Variants in WEE1 observed in about 807,000 individuals in gnomAD.
The protein encoded by WEE1 is WEE1 G2 checkpoint kinase.
In WEE1, 16 loss-of-function variants were observed where a neutral mutation model predicts 68.8. The ratio of observed to expected loss-of-function variants is 0.23; its 90% confidence interval spans 0.16 to 0.35. WEE1 has a LOEUF of 0.35. Among genes scored for constraint, WEE1 ranks in the 10% least tolerant of loss-of-function variants. The pLI, the probability that WEE1 is intolerant of heterozygous loss-of-function variation, is 1.00. For missense variants in WEE1, 651 were observed against 824.1 expected (o/e 0.79, Z 2.57); for synonymous variants, 349 against 318.7 (o/e 1.09, Z -1.01).
chr11:9,578,006 A>T (rs981239688), intron 5 of WEE1: 11 of 407,812 alleles, frequency 2.7e-5, no homozygotes, highest in African/African-American at 2.1e-4. Context: ...TATATACCAA[A>T]TCTTTTATGG....
At chr11:9,588,177 G>A (rs1477032302) in intron 10 of WEE1, among the ~76,000 whole-genome samples, 1 of 152,084 alleles carries the variant, frequency 6.6e-6, no homozygotes, top group Non-Finnish European at 1.5e-5. Context: ...ACCACATCCA[G>A]CTCAAATTAT....
intron 5 of WEE1, chr11:9,580,614 CA>C (rs1249654515): frequency 1.3e-5 from 2 of 152,014 alleles, no homozygotes; most frequent in African/African-American, 2.4e-5. Flanking sequence ...CACGCCACCA[CA>C]CCCAGCTAAT....
In WEE1 at chr11:9,573,886, C is replaced by T; in HGVS notation, c.-48C>T. 1 of 1,210,716 alleles carries T rather than the reference C, an allele frequency of 8.3e-7. No homozygotes were observed. The highest frequency in any genetic ancestry group is 3.7e-5 in the South Asian group (1 of 26,776). The allele number at this position is 1,210,716 out of a possible 1,614,324, so 75.0% of individuals were successfully genotyped here. Reference sequence around the variant, plus strand: ...CCCCCAGGCCCGCAGTGTCCTGGACCCCGCAGGCCTCCGCTCTCCTGTCCT... The same window carrying T: ...CCCCCAGGCCCGCAGTGTCCTGGACTCCGCAGGCCTCCGCTCTCCTGTCCT... On this transcript the variant is annotated 5_prime_UTR_variant, in exon 1 of 11. Transcript: ENST00000450114.
In WEE1 at chr11:9,573,811, G is replaced by C. The variant is rs1349575293; in HGVS notation, c.-123G>C. On this transcript the variant is annotated 5_prime_UTR_variant, in exon 1 of 11. Coordinates refer to ENST00000450114, the MANE Select transcript of WEE1 (RefSeq NM_003390.4). ...CGGAGCCGCAGGCCGCCGCCGCGCA[G>C]AGACGCCGCGGCTGCGACTAGGCGC... The C allele has an allele frequency of 1.2e-6, 1 of 829,490 alleles. No homozygotes were observed. Among genetic ancestry groups the C allele is most frequent in the African/African-American group, 1.8e-5 (1 of 54,756 alleles). The allele number at this position is 829,490 out of a possible 1,614,324, so 51.4% of individuals were successfully genotyped here. A position where few individuals can be genotyped will look rare whatever the true frequency, so the allele number is the denominator to read the frequency against.
At position 9,575,913 on chromosome 11, in the gene WEE1, T is replaced by C; in HGVS notation, c.602T>C (p.Ile201Thr). The change falls in exon 2 of 11, where the codon ATT (isoleucine) becomes ACT (threonine). Residue 201 changes from isoleucine (I) to threonine (T), a missense_variant. This residue lies in a region of WEE1 where 395 missense variants were observed against 378.4 expected (regional missense o/e 1.04). Transcript: ENST00000450114. Reference sequence around the variant, plus strand: ...AGTTTGCTCTCCAAAGCTCGGGGAATTGATTCCAGCTCTGTTAAACTCCGG... The same window carrying C: ...AGTTTGCTCTCCAAAGCTCGGGGAACTGATTCCAGCTCTGTTAAACTCCGG... ...PKSLLSKARG[I>T]DSSSVKLRGS... 1 of 1,614,164 alleles carries C rather than the reference T, an allele frequency of 6.2e-7. No individual in the cohort carries two copies. Among genetic ancestry groups the C allele is most frequent in the Non-Finnish European group, 8.5e-7 (1 of 1,180,022 alleles).
rs1849564124 is a variant in WEE1 at position 9,576,238 on chromosome 11, G to A, written c.791G>A (p.Gly264Asp). 1 of 1,523,232 alleles carries A rather than the reference G, an allele frequency of 6.6e-7. No individual in the cohort carries two copies. The highest frequency in any genetic ancestry group is 2.5e-5 in the East Asian group (1 of 40,770). The allele number at this position is 1,523,232 out of a possible 1,614,324, so 94.4% of individuals were successfully genotyped here. Residue 264 changes from glycine (G) to aspartate (D), a missense_variant, in exon 3 of 11, where the codon GGT becomes GAT. Around this residue, in one of 5 missense-constraint regions of WEE1, gnomAD observed 395 missense variants for 378.4 expected, o/e 1.04. Transcript: ENST00000450114. This position sits in a 1 kb window ranked among gnomAD's most constrained non-coding sequence, Gnocchi z 4.3. The part of the protein sequence containing the change: ...RKRTYWNDSC[G>D]EDMEASDYEL... ...AATAACATTTTTTTTAGTTCCTGTGGTGAAGACATGGAAGCCAGTGATTAT... is the reference window on the plus strand; with the variant it reads ...AATAACATTTTTTTTAGTTCCTGTGATGAAGACATGGAAGCCAGTGATTAT...
At chr11:9,582,422 A>G (rs1230427996) in intron 6 of WEE1, among the ~76,000 whole-genome samples, 3 of 152,196 alleles carry the variant, frequency 2.0e-5, no homozygotes, top group Non-Finnish European at 4.4e-5. Context: ...CAAGTTAAGC[A>G]TCTTAGGCTA....
chr11:9,577,556 C>A, intron 5 of WEE1: 1 of 363,488 alleles, frequency 2.8e-6, no homozygotes, highest in Non-Finnish European at 5.2e-6. Context: ...TAGTACCTAG[C>A]GTAGTGTGTG....
chr11:9,587,825 A>G (rs749983143), intron 10 of WEE1, among the ~76,000 whole-genome samples: 26 of 152,158 alleles, frequency 1.7e-4, no homozygotes, highest in Non-Finnish European at 2.1e-4. Context: ...TTTAAATTAT[A>G]AGAATTGTAT....
At chr11:9,575,757 T>A in intron 1 of WEE1, 131 bp from the exon 2 acceptor site, 1 of 729,070 alleles carries the variant, frequency 1.4e-6, no homozygotes, top group Non-Finnish European at 2.2e-6. Context: ...TTGCTTGAAC[T>A]CTAACAAAGG....
chr11:9,587,158 G>T (rs1470421361), intron 10 of WEE1, among the ~76,000 whole-genome samples: 1 of 151,988 alleles, frequency 6.6e-6, no homozygotes, highest in East Asian at 1.9e-4. Context: ...TGGGGTTTTT[G>T]CCATGTTGCC....
Position 9,581,593 on chromosome 11 carries a change from A to G in WEE1, c.1203A>G (p.Ala401=). 6.2e-7 allele frequency: 1 copy of G among 1,612,862 alleles called. No individual in the cohort carries two copies. The highest frequency in any genetic ancestry group is 1.1e-5 in the South Asian group (1 of 90,988). Residue 401 remains alanine, a synonymous_variant, in exon 6 of 11, where the codon GCA becomes GCG. Transcript: ENST00000450114. ...NYRIMSYFKE[A]ELKDLLLQVG... is the part of the protein sequence containing the mutation. ...GAATCATGAGTTACTTTAAAGAAGC[A>G]GAGTTGAAGGATCTCCTTTTGCAAG...
In WEE1 at chr11:9,589,892, G is replaced by C. The variant is rs1461222593; in HGVS notation, c.*1290G>C. ...TTTGATTGAATATGAATATCACATT[G>C]CATGTTATGCATGTGACTTGCTAGA... On this transcript the variant is annotated 3_prime_UTR_variant, in exon 11 of 11. Coordinates refer to ENST00000450114, the MANE Select transcript of WEE1 (RefSeq NM_003390.4). The C allele has an allele frequency of 5.6e-6, 1 of 179,004 alleles. No individual in the cohort carries two copies. The highest frequency in any genetic ancestry group is 2.4e-5 in the African/African-American group (1 of 41,882). 11.1% of individuals were successfully genotyped at this position (179,004 alleles called of 1,614,324 possible).
intron 5 of WEE1, chr11:9,577,928 C>A (rs1357540229): frequency 4.4e-6 from 2 of 455,610 alleles, no homozygotes; most frequent in African/African-American, 4.0e-5. Flanking sequence ...TATGTCTCTC[C>A]TTTTCTATTA....
Position 9,574,495 on chromosome 11 carries a change from C to A in WEE1, c.562C>A (p.Pro188Thr). ...TFRKLRLFDT[P>T]HTPKSLLSKA... ...CCGCAAGCTGCGACTCTTCGACACC[C>A]CGCACACGCCCAAGGTGAGAGCGGC... Residue 188 changes from proline to threonine, a missense_variant, in exon 1 of 11, where the codon CCG becomes ACG. Pro to Thr is a conservative substitution (Grantham distance 38). Around this residue, in one of 5 missense-constraint regions of WEE1, gnomAD observed 395 missense variants for 378.4 expected, o/e 1.04. Transcript: ENST00000450114. This position sits in a 1 kb window ranked among gnomAD's most constrained non-coding sequence, Gnocchi z 4.9. 1 of 1,252,930 alleles carries A rather than the reference C, an allele frequency of 8.0e-7. No homozygotes were observed. Among genetic ancestry groups the A allele is most frequent in the Non-Finnish European group, 1.0e-6 (1 of 999,960 alleles). The allele number at this position is 1,252,930 out of a possible 1,614,324, so 77.6% of individuals were successfully genotyped here.
intron 6 of WEE1, among the ~76,000 whole-genome samples, chr11:9,584,689 T>G (rs1475081306): frequency 3.3e-5 from 5 of 152,198 alleles, no homozygotes; most frequent in African/African-American, 9.6e-5. Flanking sequence ...TTTCACAAAT[T>G]ACTGATACTA....
chr11:9,579,427 A>G (rs1324682168), intron 5 of WEE1: 2 of 152,134 alleles, frequency 1.3e-5, no homozygotes, highest in African/African-American at 4.8e-5. Context: ...GATTCCCTTT[A>G]TTGTGATTTA....
Position 9,574,324 on chromosome 11 carries a change from C to T in WEE1, c.391C>T (p.Pro131Ser). 1 of 1,274,562 alleles carries T rather than the reference C, an allele frequency of 7.8e-7. No homozygotes were observed. The highest frequency in any genetic ancestry group is 9.9e-7 in the Non-Finnish European group (1 of 1,008,810). The allele number at this position is 1,274,562 out of a possible 1,614,324, so 79.0% of individuals were successfully genotyped here. ...GTCGCCGGTCAAGTCGCCGGCGGCC[C>T]CCTACTTCCTGGGTAGCTCTTTCTC... is the stretch of plus-strand genomic sequence containing the variant. ...SSSPVKSPAA[P>S]YFLGSSFSPV... Residue 131 changes from proline to serine, a missense_variant, in exon 1 of 11, where the codon CCC becomes TCC. Around this residue, in one of 5 missense-constraint regions of WEE1, gnomAD observed 395 missense variants for 378.4 expected, o/e 1.04. Transcript: ENST00000450114. The surrounding 1 kb of genome is among the most constrained non-coding windows in gnomAD (Gnocchi z 4.9).
intron 6 of WEE1, among the ~76,000 whole-genome samples, chr11:9,584,842 T>G (rs971155527): frequency 2.0e-5 from 3 of 152,166 alleles, no homozygotes; most frequent in Admixed American, 6.5e-5. Flanking sequence ...TTTGGGAGGC[T>G]GAAGCTGGAG....
Sources: allele counts gnomAD v4.1 joint callset (sites outside exome capture counted in the v4.1 genomes callset), GRCh38; gene constraint gnomAD v4.1.1; regional missense constraint gnomAD v4.1.1; non-coding constraint Gnocchi (gnomAD v3.1); transcripts MANE v1.5; gene names NCBI Gene and HGNC (gene_info 2026-07-23, HGNC 2026-07-21).